The following BMPR1B variants were observed in gnomAD, a reference collection of about 807,000 sequenced individuals.
BMPR1B encodes the protein bone morphogenetic protein receptor type 1B.
In BMPR1B, 12 loss-of-function variants were observed where a neutral mutation model predicts 59.1. The observed-to-expected ratio is 0.20, with a 90% confidence interval of 0.13 to 0.33. BMPR1B has a LOEUF of 0.33. Ranked by LOEUF, BMPR1B falls within the 10% of genes least tolerant of loss-of-function variation. The probability of loss-of-function intolerance (pLI) is 1.00; values close to 1 mark genes in which losing one functional copy is unlikely to be tolerated. For missense variants in BMPR1B, 550 were observed against 610.9 expected (o/e 0.90, Z 1.05); for synonymous variants, 237 against 207.3 (o/e 1.14, Z -1.23).
intron 3 of BMPR1B, among the ~76,000 whole-genome samples, chr4:95,081,300 C>G (rs1004990397): frequency 4.6e-5 from 7 of 151,880 alleles, no homozygotes; most frequent in Non-Finnish European, 8.8e-5. Flanking sequence ...TGAGAACGGA[C>G]TACTACAGGT....
intron 2 of BMPR1B, among the ~76,000 whole-genome samples, chr4:94,987,891 A>C (rs759879479): frequency 1.1e-4 from 17 of 152,170 alleles, no homozygotes; most frequent in Non-Finnish European, 2.1e-4. Flanking sequence ...ACACCTTTAT[A>C]ATGAAAGAAA....
chr4:94,791,823 AC>A (rs948967144), intron 1 of BMPR1B, among the ~76,000 whole-genome samples: 4 of 149,920 alleles, frequency 2.7e-5, no homozygotes, highest in Non-Finnish European at 3.0e-5. Flanking sequence ...CTCTCCTGCC[AC>A]CCCCACCCCA....
At position 94,923,036 on chromosome 4, in the gene BMPR1B, G is replaced by T. The variant is rs1460997343; in HGVS notation, c.-113+47136G>T. 3.3e-5 allele frequency among the ~76,000 whole-genome samples: 5 copies of T among 152,202 alleles called. No homozygotes were observed. The East Asian group carries it at 9.6e-4, about 29-fold the overall frequency. On this transcript the variant is annotated intron_variant, in intron 2 of 12. Coordinates refer to ENST00000515059, the MANE Select transcript of BMPR1B (RefSeq NM_001203.3). ...TCCCAAAGGAACTCACATCAAAAGT[G>T]CTATTTCATTGACCTATTTTCCACC...
chr4:94,769,168 A>C (rs758491308), intron 1 of BMPR1B, among the ~76,000 whole-genome samples: 2 of 152,204 alleles, frequency 1.3e-5, no homozygotes, highest in Non-Finnish European at 2.9e-5. Flanking sequence ...GTAGTTTAAC[A>C]ATAATATTTT....
chr4:94,780,026 C>T (rs1722529420), intron 1 of BMPR1B, among the ~76,000 whole-genome samples: 1 of 151,940 alleles, frequency 6.6e-6, no homozygotes, highest in Admixed American at 6.6e-5. Flanking sequence ...TGTTAAATTG[C>T]TCTTATTTTC....
intron 2 of BMPR1B, among the ~76,000 whole-genome samples, chr4:94,900,723 T>C (rs1727778339): frequency 1.3e-5 from 2 of 152,016 alleles, no homozygotes; most frequent in African/African-American, 4.8e-5. Flanking sequence ...GATTACTTTT[T>C]AGGGGTGTGG....
intron 3 of BMPR1B, among the ~76,000 whole-genome samples, chr4:94,999,881 A>C (rs1722321509): frequency 6.6e-6 from 1 of 152,236 alleles, no homozygotes; most frequent in Non-Finnish European, 1.5e-5. Context: ...CATTTCAGGC[A>C]GAAGAAGAAG....
At position 94,962,108 on chromosome 4, in the gene BMPR1B, CTTCCTTCCTTCCTTCT is replaced by C. The variant is rs1454345726; in HGVS notation, c.-112-33916_-112-33901del. ...CCTTCCTTCCTTCCTTCCTTCCTTC[CTTCCTTCCTTCCTTCT>C]TTCCTTCCTTCCTTCCTTTCTTTTT... On this transcript the variant is annotated intron_variant, in intron 2 of 12. Transcript: ENST00000515059. 5.6e-3 allele frequency among the ~76,000 whole-genome samples: 712 copies of C among 126,346 alleles called. 6 individuals carry two copies. Among genetic ancestry groups the C allele is most frequent in the African/African-American group, 0.011 (307 of 27,480 alleles). The allele number at this position is 126,346 out of a possible 152,430, so 82.9% of individuals were successfully genotyped here.
intron 2 of BMPR1B, among the ~76,000 whole-genome samples, chr4:94,950,110 A>G (rs6820277): frequency 0.029 from 4,429 of 152,130 alleles, 205 homozygotes; most frequent in African/African-American, 0.1. Flanking sequence ...GTCTGTTCAT[A>G]TCCTTTGCCC....
chr4:94,847,619 A>T (rs1020181283), intron 1 of BMPR1B, among the ~76,000 whole-genome samples: 36 of 91,356 alleles, frequency 3.9e-4, no homozygotes, highest in African/African-American at 2.2e-3. Flanking sequence ...AAAAACAATG[A>T]GACTGTCATT....
chr4:94,967,644 G>A (rs955434748), intron 2 of BMPR1B, among the ~76,000 whole-genome samples: 2 of 151,874 alleles, frequency 1.3e-5, no homozygotes, highest in Admixed American at 6.6e-5. Context: ...CACCATGCCC[G>A]GCTAATTTTT....
intron 4 of BMPR1B, among the ~76,000 whole-genome samples, chr4:95,111,323 A>G (rs1731619441): frequency 2.0e-5 from 3 of 152,126 alleles, no homozygotes; most frequent in South Asian, 4.1e-4. Flanking sequence ...TCTCTTCTCA[A>G]CTGTGGTGGC....
chr4:95,050,601 A>G (rs538398048), intron 3 of BMPR1B, among the ~76,000 whole-genome samples: 24 of 152,334 alleles, frequency 1.6e-4, no homozygotes, highest in Admixed American at 4.6e-4. Context: ...GAAAGTGAGA[A>G]GAAAGCAGAG....
chr4:94,866,833 T>G (rs1049682750), intron 1 of BMPR1B, among the ~76,000 whole-genome samples: 4 of 152,134 alleles, frequency 2.6e-5, no homozygotes, highest in African/African-American at 4.8e-5. Context: ...CCGCCCACTT[T>G]GGCCTCCCAA....
chr4:95,157,261 A>G lies in BMPR1B; in HGVS notation c.*2588A>G, dbSNP rs1469383652. On this transcript the variant is annotated 3_prime_UTR_variant, in exon 13 of 13. Coordinates refer to ENST00000515059, the MANE Select transcript of BMPR1B (RefSeq NM_001203.3). ...ACTTAAAAAGACCCACTTAGCGATT[A>G]TAGTTGCTCAATGAAACAAGAATTT... 6.6e-6 allele frequency: 1 copy of G among 152,150 alleles called. No homozygotes were observed. Among genetic ancestry groups the G allele is most frequent in the Non-Finnish European group, 1.5e-5 (1 of 67,990 alleles). The allele number at this position is 152,150 out of a possible 1,614,324, so 9.4% of individuals were successfully genotyped here.
At chr4:94,893,195 G>C (rs1560535271) in intron 2 of BMPR1B, among the ~76,000 whole-genome samples, 1 of 151,876 alleles carries the variant, frequency 6.6e-6, no homozygotes, top group Non-Finnish European at 1.5e-5. Flanking sequence ...ATTAAAAAAT[G>C]AAAAATAATG....
At chr4:94,760,899 A>T (rs1314766279) in intron 1 of BMPR1B, among the ~76,000 whole-genome samples, 1 of 152,226 alleles carries the variant, frequency 6.6e-6, no homozygotes, top group Non-Finnish European at 1.5e-5. Flanking sequence ...ATACTTAAGA[A>T]TAGTGTAATA....
intron 2 of BMPR1B, among the ~76,000 whole-genome samples, chr4:94,929,810 A>G (rs1027358932): frequency 1.3e-5 from 2 of 152,022 alleles, no homozygotes; most frequent in African/African-American, 4.8e-5. Context: ...ACTTGGAATG[A>G]TAAACAAGAA....
At chr4:94,950,276 A>T (rs1278771929) in intron 2 of BMPR1B, among the ~76,000 whole-genome samples, 1 of 152,058 alleles carries the variant, frequency 6.6e-6, no homozygotes, top group Non-Finnish European at 1.5e-5. Context: ...TGCTGTGCAG[A>T]AGCTCTTTAG....
Sources: allele counts gnomAD v4.1 joint callset (sites outside exome capture counted in the v4.1 genomes callset), GRCh38; gene constraint gnomAD v4.1.1; transcripts MANE v1.5; gene names NCBI Gene and HGNC (gene_info 2026-07-23, HGNC 2026-07-21).